Variants in DNAH9 observed in about 807,000 individuals in gnomAD.
DNAH9 encodes DNAH9 variant protein.
A neutral mutation model predicts 471.6 loss-of-function variants in DNAH9; 345 were observed. That is an observed-to-expected ratio of 0.73 (90% CI 0.67 to 0.80). DNAH9 has a LOEUF of 0.80. Among genes scored for constraint, DNAH9 ranks in the 30% least tolerant of loss-of-function variants. The probability of loss-of-function intolerance (pLI) is 0.00; values close to 1 mark genes in which losing one functional copy is unlikely to be tolerated. For missense variants in DNAH9, 5,407 were observed against 5,609.2 expected, an observed-to-expected ratio of 0.96 and a Z score of 1.15; for synonymous variants, 2,093 against 2,123.6, an observed-to-expected ratio of 0.99 and a Z score of 0.40.
chr17:11,727,788 G>T (rs2075181414), intron 27 of DNAH9, 30 bp from the exon 28 acceptor site: 1 of 1,493,540 alleles, frequency 6.7e-7, no homozygotes, highest in Non-Finnish European at 9.3e-7. Flanking sequence ...TGGCCCGTTG[G>T]TAATTTAATC....
intron 62 of DNAH9, among the ~76,000 whole-genome samples, 191 bp from the exon 63 acceptor site, chr17:11,929,675 C>T (rs1303954790): frequency 6.6e-6 from 1 of 152,130 alleles, no homozygotes; most frequent in African/African-American, 2.4e-5. Context: ...TGTGAGTGCA[C>T]GTAACGCCAT....
intron 39 of DNAH9, 112 bp downstream of exon 39, chr17:11,781,286 G>C: frequency 2.6e-6 from 3 of 1,175,016 alleles, no homozygotes; most frequent in Admixed American, 6.0e-5. Context: ...TCTGGTGCCA[G>C]ATGGGAATCT....
chr17:11,965,695 A>G (rs557515420), intron 68 of DNAH9, among the ~76,000 whole-genome samples: 6 of 152,342 alleles, frequency 3.9e-5, no homozygotes, highest in African/African-American at 1.2e-4. Flanking sequence ...CCAATAACCA[A>G]AAGAAACCAT....
intron 61 of DNAH9, among the ~76,000 whole-genome samples, chr17:11,914,682 T>C (rs547209586): frequency 5.8e-4 from 89 of 152,328 alleles, no homozygotes; most frequent in African/African-American, 2.1e-3. Flanking sequence ...CCAGTTTTGT[T>C]CATGAGATAT....
At chr17:11,817,793 A>G (rs1970153277) in intron 45 of DNAH9, among the ~76,000 whole-genome samples, 2 of 152,230 alleles carry the variant, frequency 1.3e-5, no homozygotes, top group Non-Finnish European at 2.9e-5. Flanking sequence ...GGAATTTTAT[A>G]TGCATGTCAT....
At chr17:11,848,205 C>T (rs1387729453) in intron 49 of DNAH9, among the ~76,000 whole-genome samples, 3 of 152,032 alleles carry the variant, frequency 2.0e-5, no homozygotes, top group African/African-American at 4.8e-5. Context: ...CTAACAATTA[C>T]AGTAATCAAA....
chr17:11,871,459 T>G, intron 51 of DNAH9, 139 bp from the exon 52 acceptor site: 1 of 724,610 alleles, frequency 1.4e-6, no homozygotes, highest in Non-Finnish European at 2.3e-6. Context: ...AAATCCCCAT[T>G]AACGGAAAGG....
At chr17:11,602,799 C>G (rs1391388526) in intron 1 of DNAH9, among the ~76,000 whole-genome samples, 1 of 152,116 alleles carries the variant, frequency 6.6e-6, no homozygotes. Flanking sequence ...CTTGCATTCC[C>G]AACAACCACC....
intron 6 of DNAH9, among the ~76,000 whole-genome samples, chr17:11,625,396 C>T (rs1287868171): frequency 6.6e-6 from 1 of 152,100 alleles, no homozygotes; most frequent in African/African-American, 2.4e-5. Context: ...CATTCTGAGC[C>T]GAATTGGGTA....
chr17:11,854,218 C>T lies in DNAH9; in HGVS notation c.9723C>T (p.Ile3241=), dbSNP rs1430741633. Residue 3241 remains isoleucine, a synonymous_variant, in exon 50 of 69, where the codon ATC becomes ATT. Transcript: ENST00000262442. ...TTCACGAGAACTGCCTCAAAGCCAT[C>T]AGGCCGTATCTGCAAGACCCCGAGT... The part of the protein sequence containing the change: ...ENIHENCLKA[I]RPYLQDPEFN... 6.2e-7 allele frequency: 1 copy of T among 1,614,188 alleles called. No individual in the cohort carries two copies. The highest frequency in any genetic ancestry group is 2.2e-5 in the East Asian group (1 of 44,884).
intron 5 of DNAH9, among the ~76,000 whole-genome samples, 154 bp downstream of exon 5, chr17:11,617,776 A>G (rs1402057985): frequency 6.6e-6 from 1 of 152,224 alleles, no homozygotes; most frequent in Non-Finnish European, 1.5e-5. Context: ...TACTCTCAGA[A>G]GCCAATAATT....
At chr17:11,936,198 CAT>C (rs1481859785) in intron 65 of DNAH9, among the ~76,000 whole-genome samples, 1 of 152,134 alleles carries the variant, frequency 6.6e-6, no homozygotes, top group African/African-American at 2.4e-5. Context: ...CAAAAATGAA[CAT>C]ACAGATCGGC....
chr17:11,943,230 C>T (rs1034373610), intron 67 of DNAH9, among the ~76,000 whole-genome samples: 1 of 152,050 alleles, frequency 6.6e-6, no homozygotes, highest in African/African-American at 2.4e-5. Context: ...TGTAAATGAA[C>T]ACTCAGACAA....
rs546249147 is a variant in DNAH9 at position 11,730,889 on chromosome 17, TG to T, written c.5814+2969del. On this transcript the variant is annotated intron_variant, in intron 28 of 68. Coordinates refer to ENST00000262442, the MANE Select transcript of DNAH9 (RefSeq NM_001372.4). Reference sequence around the variant, plus strand: ...GTGATGATTCTAATGATGATGATGATGGAGATGATAATGGTGATGGTGGTAA... The same window carrying T: ...GTGATGATTCTAATGATGATGATGATGAGATGATAATGGTGATGGTGGTAA... Among the ~76,000 whole-genome samples, 594 of 151,802 alleles carry T rather than the reference TG, an allele frequency of 3.9e-3. 3 individuals are homozygous for T. The highest frequency in any genetic ancestry group is 0.013 in the African/African-American group (553 of 41,364).
At position 11,704,405 on chromosome 17, in the gene DNAH9, A is replaced by G. The variant is rs765236991; in HGVS notation, c.5354A>G (p.His1785Arg). 3 of 1,613,796 alleles carry G rather than the reference A, an allele frequency of 1.9e-6. No individual in the cohort carries two copies. In the South Asian group the frequency reaches 3.3e-5, roughly 18 times the overall value. ...KIMTICTIDV[H>R]ARDVVAKMIA... ...ATGACTATATGCACCATCGATGTGC[A>G]TGCCCGGGATGTGGTAGCCAAGATG... The change falls in exon 25 of 69, where the codon CAT becomes CGT. Residue 1785 changes from histidine to arginine, a missense_variant. By Grantham distance (29) the His-to-Arg change is conservative (BLOSUM62 0). Coordinates refer to ENST00000262442, the MANE Select transcript of DNAH9 (RefSeq NM_001372.4).
At chr17:11,787,884 C>T (rs1054458361) in intron 41 of DNAH9, among the ~76,000 whole-genome samples, 1 of 152,162 alleles carries the variant, frequency 6.6e-6, no homozygotes, top group African/African-American at 2.4e-5. Flanking sequence ...TGCCTTTTGC[C>T]TCCCACCGTG....
intron 45 of DNAH9, among the ~76,000 whole-genome samples, chr17:11,811,979 G>A (rs1222128961): frequency 1.2e-5 from 1 of 86,658 alleles, no homozygotes; most frequent in African/African-American, 4.4e-5. Context: ...GACTGAGTGA[G>A]ACTCTGTCTC....
rs573223699 is a variant in DNAH9, at chr17:11,799,719, G to A, written c.8420+1926G>A. Among the ~76,000 whole-genome samples the A allele has an allele frequency of 1.6e-4, 25 of 152,166 alleles. 2 individuals are homozygous for A. The highest frequency in any genetic ancestry group is 6.0e-4 in the African/African-American group (25 of 41,496). ...CTGCCTCAGCCTCTGAAGTAGCTGG[G>A]ATTACAGGTGCCCACCACCAGGCCT... On this transcript the variant is annotated intron_variant, in intron 43 of 68. Coordinates refer to ENST00000262442, the MANE Select transcript of DNAH9 (RefSeq NM_001372.4).
In DNAH9 at chr17:11,629,592, T is replaced by G; in HGVS notation, c.1518+8T>G. The G allele has an allele frequency of 6.2e-7, 1 of 1,611,034 alleles. No homozygotes were observed. The highest frequency in any genetic ancestry group is 1.1e-5 in the South Asian group (1 of 90,864). ...CTGTACCTCCAAAGCACGGTAGGGT[T>G]GGGAAGGGCTGAATCGCCAGCTCTG... On this transcript the variant is annotated splice_region_variant and intron_variant, in intron 7 of 68. Transcript: ENST00000262442.
Sources: gnomAD v4.1 joint callset for allele counts (sites outside exome capture counted in the v4.1 genomes callset) on GRCh38, gnomAD v4.1.1 for gene constraint, MANE v1.5 for transcripts, NCBI Gene and HGNC (gene_info 2026-07-23, HGNC 2026-07-21) for gene names.